The following DCC variants were observed in gnomAD, a reference collection of about 807,000 sequenced individuals.
DCC encodes the protein DCC netrin 1 receptor, also known as netrin receptor DCC.
A neutral mutation model predicts 172.5 loss-of-function variants in DCC; 58 were observed. The observed-to-expected ratio is 0.34, with a 90% CI of 0.27 to 0.42. DCC has a LOEUF of 0.42. Among genes scored for constraint, DCC ranks in the 10% least tolerant of loss-of-function variants. The probability of loss-of-function intolerance (pLI) is 1.00; values close to 1 mark genes in which losing one functional copy is unlikely to be tolerated. For synonymous variants in DCC, 709 were observed against 644.5 expected (o/e 1.10, Z -1.52); for missense variants, 1,740 against 1,791.0 (o/e 0.97, Z 0.51).
At chr18:52,482,966 T>G (rs2144586624) in intron 1 of DCC, among the ~76,000 whole-genome samples, 1 of 152,256 alleles carries the variant, frequency 6.6e-6, no homozygotes, top group African/African-American at 2.4e-5. Flanking sequence ...TATTTTCAGC[T>G]ATGGAAACCA....
intron 7 of DCC, among the ~76,000 whole-genome samples, chr18:53,126,245 T>C (rs908733314): frequency 6.6e-6 from 1 of 152,128 alleles, no homozygotes; most frequent in African/African-American, 2.4e-5. Flanking sequence ...AGACTTCTTG[T>C]TGTAAGCATT....
chr18:52,957,319 G>GA (rs2040760893), intron 5 of DCC, among the ~76,000 whole-genome samples: 1 of 151,846 alleles, frequency 6.6e-6, no homozygotes, highest in Admixed American at 6.6e-5. Context: ...AACTTTGCTG[G>GA]AAAAATAGAC....
chr18:52,547,619 C>T (rs2032653506), intron 1 of DCC, among the ~76,000 whole-genome samples: 2 of 152,130 alleles, frequency 1.3e-5, no homozygotes, highest in African/African-American at 4.8e-5. Flanking sequence ...AACAAATACT[C>T]ATAACTGAAA....
intron 5 of DCC, among the ~76,000 whole-genome samples, chr18:52,989,294 G>A (rs111244708): frequency 0.05 from 7,613 of 152,098 alleles, 334 homozygotes; most frequent in East Asian, 0.21. Context: ...AGGCCCAGGC[G>A]GGTGGTTCAC....
intron 1 of DCC, among the ~76,000 whole-genome samples, chr18:52,695,877 A>C (rs904965508): frequency 2.6e-5 from 4 of 152,308 alleles, no homozygotes; most frequent in African/African-American, 9.6e-5. Context: ...GAAAGGAGGA[A>C]TCTGTTGCAA....
intron 5 of DCC, among the ~76,000 whole-genome samples, chr18:52,928,331 G>T (rs548514104): frequency 6.6e-6 from 1 of 152,048 alleles, no homozygotes; most frequent in African/African-American, 2.4e-5. Flanking sequence ...AAACTATCGA[G>T]CACTATGCTT....
intron 5 of DCC, among the ~76,000 whole-genome samples, chr18:52,977,270 G>A (rs1381931187): frequency 6.6e-6 from 1 of 152,052 alleles, no homozygotes; most frequent in African/African-American, 2.4e-5. Flanking sequence ...CTAGAACAGT[G>A]GTCTTCAGTC....
chr18:53,034,765 G>T (rs567697769), intron 5 of DCC, among the ~76,000 whole-genome samples: 4 of 151,660 alleles, frequency 2.6e-5, no homozygotes, highest in Non-Finnish European at 5.9e-5. Flanking sequence ...AGTCCATAAG[G>T]CCTGAAAGAT....
intron 5 of DCC, among the ~76,000 whole-genome samples, chr18:53,018,715 C>A (rs561218210): frequency 6.6e-6 from 1 of 152,152 alleles, no homozygotes; most frequent in African/African-American, 2.4e-5. Context: ...GATGAAAGAA[C>A]AAATGAATGC....
chr18:53,091,210 G>A (rs2043004039), intron 7 of DCC, among the ~76,000 whole-genome samples: 1 of 151,626 alleles, frequency 6.6e-6, no homozygotes, highest in East Asian at 1.9e-4. Context: ...AACTCATATA[G>A]GCATTATAGA....
At chr18:53,427,141 T>C (rs1161490776) in intron 21 of DCC, among the ~76,000 whole-genome samples, 3 of 152,170 alleles carry the variant, frequency 2.0e-5, no homozygotes, top group Non-Finnish European at 4.4e-5. Flanking sequence ...GTCTCATTCT[T>C]TATGTTGTAG....
intron 1 of DCC, among the ~76,000 whole-genome samples, chr18:52,566,245 C>T (rs35857537): frequency 6.6e-6 from 1 of 152,208 alleles, no homozygotes; most frequent in South Asian, 2.1e-4. Context: ...AACCATAATT[C>T]TCAGCAAACT....
At chr18:53,224,505 G>A (rs7243756) in intron 12 of DCC, among the ~76,000 whole-genome samples, 20,609 of 152,100 alleles carry the variant, frequency 0.14, 2,259 homozygotes, top group African/African-American at 0.3. Context: ...GAATTACACT[G>A]ACTACTGTGG....
chr18:53,426,660 A>G (rs1910987448), intron 21 of DCC, among the ~76,000 whole-genome samples: 2 of 147,792 alleles, frequency 1.4e-5, no homozygotes, highest in African/African-American at 4.9e-5. Context: ...CTTTTTTTTG[A>G]ATTTTTGGAA....
intron 7 of DCC, among the ~76,000 whole-genome samples, chr18:53,080,252 C>T (rs760025190): frequency 5.9e-5 from 9 of 152,108 alleles, no homozygotes; most frequent in Admixed American, 4.6e-4. Context: ...AAATTCTTGA[C>T]TTAACTGAAT....
At chr18:53,343,994 T>C (rs1019149697) in intron 15 of DCC, among the ~76,000 whole-genome samples, 2 of 152,060 alleles carry the variant, frequency 1.3e-5, no homozygotes, top group Non-Finnish European at 2.9e-5. Flanking sequence ...TTTCTCATAT[T>C]GGTCTTTTCT....
intron 1 of DCC, among the ~76,000 whole-genome samples, chr18:52,559,858 C>A (rs1223581228): frequency 6.6e-6 from 1 of 152,138 alleles, no homozygotes; most frequent in African/African-American, 2.4e-5. Context: ...ATTTATGAAG[C>A]TAATCAGGCA....
At chr18:53,097,816 C>CAG (rs896953929) in intron 7 of DCC, among the ~76,000 whole-genome samples, 2 of 152,008 alleles carry the variant, frequency 1.3e-5, no homozygotes, top group South Asian at 2.1e-4. Flanking sequence ...CATACTGAAA[C>CAG]AGAGAGAGAG....
At chr18:52,790,446 A>C (rs2037740126) in intron 2 of DCC, among the ~76,000 whole-genome samples, 1 of 152,166 alleles carries the variant, frequency 6.6e-6, no homozygotes, top group Non-Finnish European at 1.5e-5. Flanking sequence ...AGAGGCCAAA[A>C]GCCTGAATGG....
Sources: gnomAD v4.1 joint callset for allele counts (sites outside exome capture counted in the v4.1 genomes callset) on GRCh38, gnomAD v4.1.1 for gene constraint, MANE v1.5 for transcripts, NCBI Gene and HGNC (gene_info 2026-07-23, HGNC 2026-07-21) for gene names.